The following ICAM2 variants were observed in gnomAD, a reference collection of about 807,000 sequenced individuals.
ICAM2 encodes the protein intercellular adhesion molecule 2.
Under a neutral mutation model 19.1 loss-of-function variants are expected in ICAM2, and 14 were observed. The ratio of observed to expected loss-of-function variants is 0.73; its 90% CI spans 0.48 to 1.15. The LOEUF is 1.15. ICAM2 is among the 50% of genes most tolerant of loss of function. ICAM2 has a pLI of 0.00. For missense variants in ICAM2, 311 were observed against 355.4 expected (o/e 0.88, Z 1.00); for synonymous variants, 153 against 152.7 (o/e 1.00, Z -0.01).
chr17:64,005,715 G>T (rs1911162545), intron 2 of ICAM2, among the ~76,000 whole-genome samples: 1 of 152,124 alleles, frequency 6.6e-6, no homozygotes, highest in Non-Finnish European at 1.5e-5. Context: ...CAGTCTTTAA[G>T]GTCAGCCCAA....
At chr17:64,011,066 T>C (rs761786258) in intron 1 of ICAM2, among the ~76,000 whole-genome samples, 1 of 152,106 alleles carries the variant, frequency 6.6e-6, no homozygotes, top group Non-Finnish European at 1.5e-5. Flanking sequence ...CCAATGTCTC[T>C]TGGACTTTAT....
intron 1 of ICAM2, among the ~76,000 whole-genome samples, chr17:64,015,041 A>G (rs1911667655): frequency 6.6e-6 from 1 of 152,210 alleles, no homozygotes; most frequent in African/African-American, 2.4e-5. Context: ...GTAAATGGAA[A>G]CGTAAACATG....
chr17:64,003,149 G>A, intron 4 of ICAM2: 1 of 546,800 alleles, frequency 1.8e-6, no homozygotes, highest in Non-Finnish European at 3.3e-6. Flanking sequence ...CTGGACTTCT[G>A]TGTGGCTGTG....
At position 64,005,281 on chromosome 17, in the gene ICAM2, A is replaced by ACGT. The variant is rs773794913; in HGVS notation, c.153_154insACG (p.Thr51dup). On this transcript the variant is annotated inframe_insertion, in exon 3 of 5. Coordinates refer to ENST00000579788, the MANE Select transcript of ICAM2 (RefSeq NM_001099789.2). ...AGACCACCCACTTCAGGCTGGTTACAGGTGGTGCTGCAGTTGACCTCGAGG... is the reference window on the plus strand; with the variant it reads ...AGACCACCCACTTCAGGCTGGTTACACGTGGTGGTGCTGCAGTTGACCTCGAGG... 17 of 1,614,166 alleles carry ACGT rather than the reference A, an allele frequency of 1.1e-5. No individual in the cohort carries two copies. The African/African-American group carries it at 2.3e-4, about 22-fold the overall frequency.
chr17:64,015,360 A>G (rs1462881345), intron 1 of ICAM2, among the ~76,000 whole-genome samples: 2 of 152,214 alleles, frequency 1.3e-5, no homozygotes, highest in African/African-American at 4.8e-5. Flanking sequence ...TCTTAGACAA[A>G]TATAACTTAC....
rs369887631 is a variant in ICAM2 at position 64,002,832 on chromosome 17, A to T, written c.743T>A (p.Phe248Tyr). The stretch of plus-strand genomic sequence containing the variant: ...CCGCTGCTGGCGCAAGTGCTGGCCG[A>T]AGATGAAGCAGAGCAGGACAGATGT... ...FVTSVLLCFI[F>Y]GQHLRQQRMG... Residue 248 changes from phenylalanine to tyrosine, a missense_variant, in exon 5 of 5, where the codon TTC becomes TAC. Transcript: ENST00000579788. 1 of 1,613,838 alleles carries T rather than the reference A, an allele frequency of 6.2e-7. No homozygotes were observed. The highest frequency in any genetic ancestry group is 1.3e-5 in the African/African-American group (1 of 74,930).
At position 64,002,936 on chromosome 17, in the gene ICAM2, A is replaced by T; in HGVS notation, c.650-11T>A. 6.2e-7 allele frequency: 1 copy of T among 1,611,564 alleles called. No homozygotes were observed. The highest frequency in any genetic ancestry group is 8.5e-7 in the Non-Finnish European group (1 of 1,178,592). On this transcript the variant is annotated splice_polypyrimidine_tract_variant and intron_variant, in intron 4 of 4. Transcript: ENST00000579788. Reference sequence around the variant, plus strand: ...TGTCCGACACAGGCTCTGGGGAGGGAGGGGGCAAGGGTCTTAGACGTCCTG... The same window carrying T: ...TGTCCGACACAGGCTCTGGGGAGGGTGGGGGCAAGGGTCTTAGACGTCCTG...
rs202240644 is a variant in ICAM2, at chr17:64,003,974, A to T, written c.329-10T>A. ...ACCTGCCTTGGAGGCTCTGCAGGGGACAAAGGAGGGAGGTCTGGTCAGGAT... is the reference window on the plus strand; with the variant it reads ...ACCTGCCTTGGAGGCTCTGCAGGGGTCAAAGGAGGGAGGTCTGGTCAGGAT... On this transcript the variant is annotated splice_polypyrimidine_tract_variant and intron_variant, in intron 3 of 4. Coordinates refer to ENST00000579788, the MANE Select transcript of ICAM2 (RefSeq NM_001099789.2). 1.3e-6 allele frequency: 2 copies of T among 1,599,056 alleles called. No individual in the cohort carries two copies. Among genetic ancestry groups the T allele is most frequent in the East Asian group, 2.3e-5 (1 of 44,306 alleles).
chr17:64,018,117 C>G (rs973090424), intron 1 of ICAM2, among the ~76,000 whole-genome samples: 1 of 151,834 alleles, frequency 6.6e-6, no homozygotes, highest in Non-Finnish European at 1.5e-5. Flanking sequence ...GCTGATCACG[C>G]GGTCAGAAGA....
intron 1 of ICAM2, among the ~76,000 whole-genome samples, chr17:64,008,821 A>C (rs984112404): frequency 6.6e-6 from 1 of 152,172 alleles, no homozygotes; most frequent in Non-Finnish European, 1.5e-5. Context: ...GGAGTGCTCC[A>C]AACAGCTTCT....
At chr17:64,003,408 A>T in intron 4 of ICAM2, 2 of 560,774 alleles carry the variant, frequency 3.6e-6, no homozygotes, top group Non-Finnish European at 6.4e-6. Flanking sequence ...CGTCAAGGTC[A>T]TGGGGCTTGA....
Position 64,005,154 on chromosome 17 carries a change from G to T in ICAM2, c.281C>A (p.Thr94Asn). The T allele has an allele frequency of 6.2e-7, 1 of 1,614,186 alleles. No individual in the cohort carries two copies. Among genetic ancestry groups the T allele is most frequent in the Non-Finnish European group, 8.5e-7 (1 of 1,180,034 alleles). ...CATTGACTCCTGCTTCCCGGAGCAG[G>T]TGAAGTGGCATTGGAGGACCGTGTC... Reference protein sequence around the residue: ...SHDTVLQCHFTCSGKQESMNS... With the variant: ...SHDTVLQCHFNCSGKQESMNS... The change falls in exon 3 of 5, where the codon ACC becomes AAC. Residue 94 changes from threonine (T) to asparagine (N), a missense_variant. Transcript: ENST00000579788.
At chr17:64,018,422 G>T (rs1911804959) in intron 1 of ICAM2, among the ~76,000 whole-genome samples, 1 of 149,778 alleles carries the variant, frequency 6.7e-6, no homozygotes, top group African/African-American at 2.5e-5. Context: ...TATTTAGCTC[G>T]AGTAGCCAGG....
At chr17:64,006,526 A>G in intron 2 of ICAM2, 105 bp downstream of exon 2, 2 of 937,158 alleles carry the variant, frequency 2.1e-6, no homozygotes, top group Non-Finnish European at 3.3e-6. Flanking sequence ...TAAGAACCTC[A>G]GCAACTTTTG....
rs1911107032 is a variant in ICAM2 at position 64,005,022 on chromosome 17, G to A, written c.328+85C>T. Reference sequence around the variant, plus strand: ...GGCCCCACGATGACAGTGCCCAGGAGCAGGCACAGAGGGGCTCTGTGTGCA... The same window carrying A: ...GGCCCCACGATGACAGTGCCCAGGAACAGGCACAGAGGGGCTCTGTGTGCA... On this transcript the variant is annotated intron_variant, in intron 3 of 4. Coordinates refer to ENST00000579788, the MANE Select transcript of ICAM2 (RefSeq NM_001099789.2). The A allele has an allele frequency of 2.7e-6, 4 of 1,468,788 alleles. No homozygotes were observed. The South Asian group carries it at 3.5e-5, about 13-fold the overall frequency. 91.0% of individuals were successfully genotyped at this position (1,468,788 alleles called of 1,614,324 possible).
intron 2 of ICAM2, chr17:64,006,418 A>T (rs1054284469): frequency 5.7e-6 from 3 of 527,784 alleles, no homozygotes; most frequent in Non-Finnish European, 1.0e-5. Context: ...TGGGAGGATC[A>T]CCCGAGCCCA....
At chr17:64,014,435 G>C (rs1841656592) in intron 1 of ICAM2, among the ~76,000 whole-genome samples, 1 of 132,450 alleles carries the variant, frequency 7.6e-6, no homozygotes, top group Non-Finnish European at 1.6e-5. Context: ...AAGGAAGGAA[G>C]GAAGAGAGAG....
intron 1 of ICAM2, among the ~76,000 whole-genome samples, chr17:64,019,199 G>A (rs1039476197): frequency 2.6e-5 from 4 of 152,052 alleles, no homozygotes; most frequent in Non-Finnish European, 5.9e-5. Flanking sequence ...ACACAGTAAC[G>A]CTATATAACT....
intron 3 of ICAM2, 74 bp downstream of exon 3, chr17:64,005,033 G>C: frequency 6.5e-7 from 1 of 1,547,538 alleles, no homozygotes. Context: ...CAGGCACAGA[G>C]GGGCTCTGTG....
Sources: allele counts gnomAD v4.1 joint callset (sites outside exome capture counted in the v4.1 genomes callset), GRCh38; gene constraint gnomAD v4.1.1; transcripts MANE v1.5; gene names NCBI Gene and HGNC (gene_info 2026-07-23, HGNC 2026-07-21).